Variants in MTM1 observed in about 807,000 individuals in gnomAD.
The protein encoded by MTM1 is myotubularin.
MTM1 carries 9 observed loss-of-function variants against 52.1 expected under a neutral mutation model. The ratio of observed to expected loss-of-function variants is 0.17; its 90% confidence interval spans 0.10 to 0.30. The LOEUF (loss-of-function observed/expected upper bound fraction) is 0.30. Among genes scored for constraint, MTM1 ranks in the 10% least tolerant of loss-of-function variants. MTM1 has a pLI of 1.00. For synonymous variants in MTM1, 136 were observed against 163.8 expected, an observed-to-expected ratio of 0.83 and a Z score of 1.29; for missense variants, 277 against 470.7, an observed-to-expected ratio of 0.59 and a Z score of 3.81.
chrX:150,603,079 A>C (rs1603132618), intron 4 of MTM1, among the ~76,000 whole-genome samples: 1 of 112,125 alleles, frequency 8.9e-6, no homozygotes, highest in African/African-American at 3.2e-5. Context: ...ACTTGAACCA[A>C]CTCTTGAAGA....
chrX:150,572,273 GT>G (rs2038390998), intron 1 of MTM1, among the ~76,000 whole-genome samples: 2 of 111,885 alleles, frequency 1.8e-5, no homozygotes, highest in African/African-American at 6.5e-5. Flanking sequence ...AGTTTCCAGA[GT>G]TCGTCAGAGA....
chrX:150,667,978 T>G (rs781882716), intron 14 of MTM1, among the ~76,000 whole-genome samples: 1 of 112,213 alleles, frequency 8.9e-6, no homozygotes, highest in East Asian at 2.8e-4. Context: ...GATCTCAAGA[T>G]GAGATCATTC....
chrX:150,563,678 G>A (rs1312674257), upstream of MTM1, among the ~76,000 whole-genome samples: 1 of 104,556 alleles, frequency 9.6e-6, no homozygotes, highest in African/African-American at 3.4e-5. Flanking sequence ...CTGAGGTCAG[G>A]AGTTCAAGAC....
chrX:150,583,742 A>T (rs2038702839), intron 1 of MTM1, among the ~76,000 whole-genome samples: 1 of 47,132 alleles, frequency 2.1e-5, no homozygotes, highest in African/African-American at 8.2e-5. Flanking sequence ...TATATTATAT[A>T]TAAATTAATA....
intron 4 of MTM1, among the ~76,000 whole-genome samples, chrX:150,605,212 G>A (rs1168868932): frequency 8.9e-6 from 1 of 111,936 alleles, no homozygotes; most frequent in Non-Finnish European, 1.9e-5. Context: ...TTTCTCACTC[G>A]TGGTCATTTC....
At chrX:150,571,371 C>A (rs1379137323) in intron 1 of MTM1, among the ~76,000 whole-genome samples, 1 of 111,736 alleles carries the variant, frequency 8.9e-6, no homozygotes, top group African/African-American at 3.3e-5. Flanking sequence ...CTGGATTGGG[C>A]AGCCTGCCCC....
chrX:150,566,588 T>G (rs1315179570), upstream of MTM1, among the ~76,000 whole-genome samples: 2 of 111,023 alleles, frequency 1.8e-5, no homozygotes, highest in Admixed American at 1.9e-4. Context: ...CCTTTCTGGT[T>G]GAATTGCATC....
Position 150,663,525 on chromosome X carries a change from A to G in MTM1, c.1560A>G (p.Arg520=), listed in dbSNP as rs138946055. 5.8e-6 allele frequency: 7 copies of G among 1,211,680 alleles called. No individual in the cohort carries two copies. The highest frequency in any genetic ancestry group is 5.6e-6 in the Non-Finnish European group (5 of 895,306). Residue 520 remains arginine (R), a synonymous_variant, in exon 14 of 15, where the codon CGA becomes CGG. Transcript: ENST00000370396. The part of the protein sequence containing the change: ...KNPFYTKEIN[R]VLYPVASMRH... ...CCTTCTATACTAAAGAAATCAATCG[A>G]GTTTTATATCCAGTTGCCAGTATGC...
chrX:150,662,695 T>TTA (rs1301559107), intron 13 of MTM1, among the ~76,000 whole-genome samples: 9 of 112,307 alleles, frequency 8.0e-5, no homozygotes, highest in Non-Finnish European at 1.5e-4. Context: ...GCTCTTTTCT[T>TTA]ATTAAAGTCA....
chrX:150,613,968 G>A (rs1437792387), intron 4 of MTM1, among the ~76,000 whole-genome samples: 1 of 112,269 alleles, frequency 8.9e-6, no homozygotes, highest in African/African-American at 3.2e-5. Flanking sequence ...TTGGTCTCTA[G>A]TGGGGGAATA....
At chrX:150,570,518 C>A (rs781808379) in intron 1 of MTM1, among the ~76,000 whole-genome samples, 1 of 111,243 alleles carries the variant, frequency 9.0e-6, no homozygotes, top group Non-Finnish European at 1.9e-5. Context: ...CATTTCCCCC[C>A]ACCCCGACAT....
At chrX:150,620,960 A>G (rs2039469153) in intron 6 of MTM1, among the ~76,000 whole-genome samples, 1 of 109,292 alleles carries the variant, frequency 9.1e-6, no homozygotes, top group Non-Finnish European at 1.9e-5. Context: ...TACTAAAAAT[A>G]TAAAAATATT....
chrX:150,570,925 G>A (rs1217200569), intron 1 of MTM1, among the ~76,000 whole-genome samples: 1 of 112,176 alleles, frequency 8.9e-6, no homozygotes, highest in East Asian at 2.8e-4. Flanking sequence ...ATGTTCAATG[G>A]CTTCAAAGCA....
chrX:150,626,054 G>A lies in MTM1; in HGVS notation c.444+6915G>A, dbSNP rs1053495945. ...GCATTTGCAGGTGTTTGTTACAGCC[G>A]CCTTTGGTTTTCATAGTCTTTGCTG... On this transcript the variant is annotated intron_variant, in intron 6 of 14. Coordinates refer to ENST00000370396, the MANE Select transcript of MTM1 (RefSeq NM_000252.3). 3.6e-5 allele frequency among the ~76,000 whole-genome samples: 4 copies of A among 112,277 alleles called. No individual in the cohort carries two copies. The South Asian group carries it at 1.5e-3, about 41-fold the overall frequency.
At chrX:150,581,235 C>G (rs1250795955) in intron 1 of MTM1, among the ~76,000 whole-genome samples, 1 of 111,629 alleles carries the variant, frequency 9.0e-6, no homozygotes, top group Non-Finnish European at 1.9e-5. Context: ...CTTTAAATTC[C>G]AAAGGCAGTT....
At chrX:150,617,464 A>G (rs1204915808) in intron 5 of MTM1, among the ~76,000 whole-genome samples, 12 of 111,600 alleles carry the variant, frequency 1.1e-4, no homozygotes, top group Non-Finnish European at 2.3e-4. Context: ...CAATAGCCCA[A>G]TTTTCTTGGG....
chrX:150,631,620 T>C (rs2039668502), intron 6 of MTM1, among the ~76,000 whole-genome samples: 1 of 81,138 alleles, frequency 1.2e-5, no homozygotes, highest in East Asian at 4.6e-4. Flanking sequence ...CCGAGATTGC[T>C]CCACTGCACT....
At chrX:150,569,060 G>A (rs1380888797) in intron 1 of MTM1, among the ~76,000 whole-genome samples, 1 of 113,721 alleles carries the variant, frequency 8.8e-6, no homozygotes, top group Non-Finnish European at 1.9e-5. Flanking sequence ...GACGCTCCGC[G>A]GCTGGTCCTC....
chrX:150,579,836 G>T (rs1432965411), intron 1 of MTM1, among the ~76,000 whole-genome samples: 2 of 111,311 alleles, frequency 1.8e-5, no homozygotes. Context: ...TATGTTCATT[G>T]CTAACAATAC....
Sources: allele counts gnomAD v4.1 joint callset (sites outside exome capture counted in the v4.1 genomes callset), GRCh38; gene constraint gnomAD v4.1.1; transcripts MANE v1.5; gene names NCBI Gene and HGNC (gene_info 2026-07-23, HGNC 2026-07-21).